The following RALGAPA2 variants were observed in gnomAD, a reference collection of about 807,000 sequenced individuals.
The protein encoded by RALGAPA2 is ral GTPase-activating protein subunit alpha-2.
RALGAPA2 carries 139 observed loss-of-function variants against 230.4 expected under a neutral mutation model. The observed-to-expected ratio is 0.60, with a 90% CI of 0.53 to 0.69. RALGAPA2 has a LOEUF of 0.69. Among genes scored for constraint, RALGAPA2 ranks in the 30% least tolerant of loss-of-function variants. The probability of loss-of-function intolerance (pLI) is 0.00; values close to 1 mark genes in which losing one functional copy is unlikely to be tolerated. For missense variants in RALGAPA2, 2,163 were observed against 2,276.0 expected, an observed-to-expected ratio of 0.95 and a Z score of 1.01; for synonymous variants, 847 against 837.8, an observed-to-expected ratio of 1.01 and a Z score of -0.19.
At position 20,712,288 on chromosome 20, in the gene RALGAPA2, AG is replaced by A; in HGVS notation, c.106+86del. On this transcript the variant is annotated intron_variant, in intron 1 of 39. Transcript: ENST00000202677. This position sits in a 1 kb window ranked among gnomAD's most constrained non-coding sequence, Gnocchi z 5.5. Reference sequence around the variant, plus strand: ...CACCCATCCCCCTCCCCAGCCTCCCAGCCACCGACCCCTGCACAGAGGAGCG... The same window carrying A: ...CACCCATCCCCCTCCCCAGCCTCCCACCACCGACCCCTGCACAGAGGAGCG... 2 of 503,634 alleles carry A rather than the reference AG, an allele frequency of 4.0e-6. No individual in the cohort carries two copies. The highest frequency in any genetic ancestry group is 3.2e-6 in the Non-Finnish European group (1 of 312,016). The allele number at this position is 503,634 out of a possible 1,614,324, so 31.2% of individuals were successfully genotyped here. A position where few individuals can be genotyped will look rare whatever the true frequency, so the allele number is the denominator to read the frequency against.
At position 20,705,167 on chromosome 20, in the gene RALGAPA2, A is replaced by G. The variant is rs145004965; in HGVS notation, c.106+7208T>C. Among the ~76,000 whole-genome samples, 761 of 152,302 alleles carry G rather than the reference A, an allele frequency of 5.0e-3. 1 individual carries two copies. The highest frequency in any genetic ancestry group is 9.0e-3 in the Non-Finnish European group (612 of 68,020). On this transcript the variant is annotated intron_variant, in intron 1 of 39. Transcript: ENST00000202677. ...ATCCAAACACAGACTTACTTATATC[A>G]GGCATGCACTCACACAGTCTTTAAA...
At chr20:20,612,272 A>C (rs1401183217) in intron 13 of RALGAPA2, among the ~76,000 whole-genome samples, 3 of 152,130 alleles carry the variant, frequency 2.0e-5, no homozygotes, top group East Asian at 1.9e-4. Context: ...ATCATCTTTC[A>C]TATGTAAGAG....
intron 37 of RALGAPA2, among the ~76,000 whole-genome samples, chr20:20,461,702 G>A (rs1364155741): frequency 6.6e-6 from 1 of 152,196 alleles, no homozygotes; most frequent in Non-Finnish European, 1.5e-5. Flanking sequence ...ATTTGCCTTT[G>A]AAAAGTAGGC....
At chr20:20,495,442 A>G (rs1428353751) in intron 35 of RALGAPA2, among the ~76,000 whole-genome samples, 167 bp from the exon 36 acceptor site, 1 of 152,270 alleles carries the variant, frequency 6.6e-6, no homozygotes, top group Non-Finnish European at 1.5e-5. Context: ...GCACAAGTGC[A>G]TAAAAACACA....
chr20:20,484,443 T>C (rs577063776), intron 36 of RALGAPA2, among the ~76,000 whole-genome samples: 1 of 152,120 alleles, frequency 6.6e-6, no homozygotes, highest in African/African-American at 2.4e-5. Flanking sequence ...GCTCAGGAAA[T>C]GGTTCATTGG....
At chr20:20,563,826 AAC>A (rs558467470) in intron 23 of RALGAPA2, among the ~76,000 whole-genome samples, 4 of 150,932 alleles carry the variant, frequency 2.7e-5, no homozygotes, top group South Asian at 2.1e-4. Context: ...CACACAGACA[AAC>A]ACACACACAC....
chr20:20,403,613 C>T (rs190640179), intron 38 of RALGAPA2, among the ~76,000 whole-genome samples: 55 of 152,310 alleles, frequency 3.6e-4, no homozygotes, highest in Middle Eastern at 3.4e-3. Context: ...TGGTCCGGAG[C>T]GCCCAGCCTC....
At chr20:20,405,098 A>G (rs144280533) in intron 38 of RALGAPA2, among the ~76,000 whole-genome samples, 59 of 152,278 alleles carry the variant, frequency 3.9e-4, no homozygotes, top group African/African-American at 1.3e-3. Context: ...GAAGTTCCAA[A>G]CCAACTGGCA....
At chr20:20,426,126 T>C (rs2060377806) in intron 37 of RALGAPA2, among the ~76,000 whole-genome samples, 2 of 152,232 alleles carry the variant, frequency 1.3e-5, no homozygotes, top group South Asian at 2.1e-4. Flanking sequence ...ATTAATGTTA[T>C]GGAAAGTAGT....
intron 11 of RALGAPA2, among the ~76,000 whole-genome samples, chr20:20,619,645 T>C (rs925853273): frequency 6.6e-6 from 1 of 152,240 alleles, no homozygotes; most frequent in Non-Finnish European, 1.5e-5. Context: ...GCTGAAAGAA[T>C]GAGTTGTGTT....
chr20:20,685,168 A>G (rs1258092321), intron 1 of RALGAPA2, among the ~76,000 whole-genome samples: 1 of 152,126 alleles, frequency 6.6e-6, no homozygotes, highest in Non-Finnish European at 1.5e-5. Context: ...CTTCCTTCAG[A>G]CAGGCAATCT....
At position 20,524,304 on chromosome 20, in the gene RALGAPA2, C is replaced by T. The variant is rs564138666; in HGVS notation, c.3900+102G>A. ...CGTTTAAGCCACCATAAATCCTTTT[C>T]AAAAGGGCAATGACAAATAAGTACA... On this transcript the variant is annotated intron_variant, in intron 30 of 39. Transcript: ENST00000202677. The T allele has an allele frequency of 4.8e-6, 7 of 1,460,792 alleles. No homozygotes were observed. The African/African-American group carries it at 5.6e-5, about 12-fold the overall frequency. 90.5% of individuals were successfully genotyped at this position (1,460,792 alleles called of 1,614,324 possible).
chr20:20,653,142 G>C (rs2067464049), intron 4 of RALGAPA2, among the ~76,000 whole-genome samples: 1 of 131,100 alleles, frequency 7.6e-6, no homozygotes, highest in Non-Finnish European at 1.6e-5. Context: ...GTTGCAATGA[G>C]CCGAGATCAC....
chr20:20,656,238 G>A (rs1443391600), intron 3 of RALGAPA2, among the ~76,000 whole-genome samples: 1 of 152,192 alleles, frequency 6.6e-6, no homozygotes, highest in African/African-American at 2.4e-5. Context: ...TAATGTGCTC[G>A]AATCCAAGGA....
chr20:20,571,652 A>G (rs2064641472), intron 22 of RALGAPA2, 39 bp from the exon 23 acceptor site: 2 of 1,587,176 alleles, frequency 1.3e-6, no homozygotes, highest in East Asian at 2.3e-5. Context: ...AATCAAGCCC[A>G]GGTGCAGAGT....
intron 31 of RALGAPA2, among the ~76,000 whole-genome samples, chr20:20,518,649 C>G (rs1372508504): frequency 6.6e-6 from 1 of 152,016 alleles, no homozygotes; most frequent in Non-Finnish European, 1.5e-5. Flanking sequence ...GGAATGTTTC[C>G]CAAAGAGTAT....
intron 37 of RALGAPA2, among the ~76,000 whole-genome samples, chr20:20,454,393 C>T (rs913211908): frequency 2.6e-5 from 4 of 152,356 alleles, no homozygotes; most frequent in Non-Finnish European, 4.4e-5. Flanking sequence ...GCATGACACT[C>T]GTGGCTCTAT....
chr20:20,655,364 C>T (rs527706138), intron 3 of RALGAPA2, among the ~76,000 whole-genome samples: 7 of 151,560 alleles, frequency 4.6e-5, no homozygotes, highest in Non-Finnish European at 7.4e-5. Flanking sequence ...GACGTTTGCA[C>T]GAAATATTAC....
chr20:20,656,074 G>A (rs771040468), intron 3 of RALGAPA2, among the ~76,000 whole-genome samples: 4 of 152,156 alleles, frequency 2.6e-5, no homozygotes, highest in African/African-American at 7.2e-5. Flanking sequence ...GGATTTGGAC[G>A]GTAACAGATA....
Sources: gnomAD v4.1 joint callset for allele counts (sites outside exome capture counted in the v4.1 genomes callset) on GRCh38, gnomAD v4.1.1 for gene constraint, Gnocchi (gnomAD v3.1) non-coding constraint, MANE v1.5 for transcripts, NCBI Gene and HGNC (gene_info 2026-07-23, HGNC 2026-07-21) for gene names.